Variants in DAB1 observed in about 807,000 individuals in gnomAD.
DAB1 encodes the protein disabled homolog 1.
Under a neutral mutation model 64.6 loss-of-function variants are expected in DAB1, and 15 were observed. The ratio of observed to expected loss-of-function variants is 0.23; its 90% confidence interval spans 0.16 to 0.36. The LOEUF is 0.36. DAB1 is among the 10% of genes least tolerant of loss of function. The pLI, the probability that DAB1 is intolerant of heterozygous loss-of-function variation, is 1.00. For synonymous variants in DAB1, 235 were observed against 251.9 expected, an observed-to-expected ratio of 0.93 and a Z score of 0.64; for missense variants, 596 against 706.7, an observed-to-expected ratio of 0.84 and a Z score of 1.78.
At chr1:57,393,796 T>C (rs1180287728) in intron 1 of DAB1, among the ~76,000 whole-genome samples, 1 of 152,202 alleles carries the variant, frequency 6.6e-6, no homozygotes, top group East Asian at 1.9e-4. Context: ...ATGGCTACTT[T>C]TGAGCTACAA....
intron 7 of DAB1, 75 bp downstream of exon 7, chr1:57,070,948 G>T (rs781738144): frequency 7.6e-7 from 1 of 1,308,664 alleles, no homozygotes; most frequent in East Asian, 2.3e-5. Context: ...GGATTCTTCA[G>T]GTTTCTGACA....
At chr1:58,126,966 A>G (rs1383974255) in intron 5 of DAB1, among the ~76,000 whole-genome samples, 2 of 148,858 alleles carry the variant, frequency 1.3e-5, no homozygotes, top group Non-Finnish European at 3.0e-5. Flanking sequence ...TCATTTGGGT[A>G]TATACCCAGT....
chr1:57,394,405 C>T (rs1428094137), intron 1 of DAB1, among the ~76,000 whole-genome samples: 1 of 152,206 alleles, frequency 6.6e-6, no homozygotes. Context: ...AGATCTCAAT[C>T]GCTGTTTACT....
chr1:57,599,182 C>CTT (rs147293089), intron 7 of DAB1, among the ~76,000 whole-genome samples: 11 of 142,180 alleles, frequency 7.7e-5, no homozygotes, highest in African/African-American at 2.3e-4. Context: ...TGAGCTTCTT[C>CTT]TTTTTTTTTT....
At chr1:57,335,188 G>A (rs1379421017) in intron 1 of DAB1, among the ~76,000 whole-genome samples, 2 of 150,948 alleles carry the variant, frequency 1.3e-5, no homozygotes, top group African/African-American at 4.9e-5. Flanking sequence ...ACAGCTATGT[G>A]AGATCTGGAC....
At chr1:58,243,775 G>A (rs1160523090) in intron 4 of DAB1, among the ~76,000 whole-genome samples, 1 of 152,086 alleles carries the variant, frequency 6.6e-6, no homozygotes, top group Non-Finnish European at 1.5e-5. Flanking sequence ...ATAAAACAAG[G>A]CAGATATTAT....
chr1:57,149,173 T>G (rs1257178568), intron 2 of DAB1, among the ~76,000 whole-genome samples: 1 of 152,224 alleles, frequency 6.6e-6, no homozygotes, highest in African/African-American at 2.4e-5. Context: ...ATAGCATGTA[T>G]CAGTAATGCT....
intron 6 of DAB1, among the ~76,000 whole-genome samples, chr1:57,705,873 G>GA (rs1646960440): frequency 1.2e-5 from 1 of 82,930 alleles, no homozygotes; most frequent in Non-Finnish European, 2.3e-5. Context: ...ACAATACTAG[G>GA]GTTTTTTTTT....
At chr1:57,137,391 G>T (rs1426296867) in intron 3 of DAB1, among the ~76,000 whole-genome samples, 1 of 152,200 alleles carries the variant, frequency 6.6e-6, no homozygotes, top group East Asian at 1.9e-4. Context: ...TCCGTGGAGG[G>T]CAGGTCTGCT....
chr1:58,396,177 G>A (rs1467447333), intron 3 of DAB1, among the ~76,000 whole-genome samples: 1 of 151,958 alleles, frequency 6.6e-6, no homozygotes, highest in African/African-American at 2.4e-5. Flanking sequence ...AGGATGTGCT[G>A]GGCTCACACT....
At chr1:57,642,812 T>C (rs1646146213) in intron 7 of DAB1, among the ~76,000 whole-genome samples, 1 of 152,208 alleles carries the variant, frequency 6.6e-6, no homozygotes. Flanking sequence ...GGGCATTTTT[T>C]GTTCCATTTC....
intron 7 of DAB1, among the ~76,000 whole-genome samples, chr1:57,431,287 A>G (rs1156283060): frequency 2.6e-5 from 4 of 152,322 alleles, no homozygotes; most frequent in Non-Finnish European, 2.9e-5. Context: ...CACAATCAGA[A>G]TTTTGAAATT....
chr1:57,378,560 A>G (rs1323601502), intron 1 of DAB1, among the ~76,000 whole-genome samples: 1 of 152,210 alleles, frequency 6.6e-6, no homozygotes, highest in Admixed American at 6.5e-5. Context: ...ACCAAGCTGT[A>G]TAAGATATTA....
intron 1 of DAB1, among the ~76,000 whole-genome samples, chr1:57,303,532 C>T (rs895425847): frequency 6.6e-6 from 1 of 152,134 alleles, no homozygotes; most frequent in Non-Finnish European, 1.5e-5. Context: ...TCAGTTCAGA[C>T]TCTATCCACT....
At chr1:57,017,661 A>C (rs1472889273) in intron 11 of DAB1, among the ~76,000 whole-genome samples, 2 of 152,228 alleles carry the variant, frequency 1.3e-5, no homozygotes, top group Non-Finnish European at 2.9e-5. Context: ...ACTTCTGCGG[A>C]ATAAAACAAT....
chr1:57,499,539 G>A (rs1204075655), intron 7 of DAB1, among the ~76,000 whole-genome samples: 5 of 152,160 alleles, frequency 3.3e-5, no homozygotes, highest in South Asian at 2.1e-4. Context: ...AAGTGACCCT[G>A]CCGTGCAGGT....
At chr1:57,019,852 G>T (rs1401983037) in intron 11 of DAB1, among the ~76,000 whole-genome samples, 1 of 152,224 alleles carries the variant, frequency 6.6e-6, no homozygotes, top group Non-Finnish European at 1.5e-5. Flanking sequence ...TTTTTAAAAA[G>T]TGTTGAAAAT....
intron 7 of DAB1, among the ~76,000 whole-genome samples, chr1:57,510,622 C>T (rs991003416): frequency 6.6e-6 from 1 of 152,062 alleles, no homozygotes; most frequent in Non-Finnish European, 1.5e-5. Context: ...CACACCAGTT[C>T]CTCTCCCACT....
At chr1:57,559,733 G>T (rs1464266523) in intron 7 of DAB1, among the ~76,000 whole-genome samples, 1 of 152,216 alleles carries the variant, frequency 6.6e-6, no homozygotes, top group African/African-American at 2.4e-5. Flanking sequence ...GCAGCTGGCA[G>T]AAACCCCACA....
Sources: gnomAD v4.1 joint callset for allele counts (sites outside exome capture counted in the v4.1 genomes callset) on GRCh38, gnomAD v4.1.1 for gene constraint, MANE v1.5 for transcripts, NCBI Gene and HGNC (gene_info 2026-07-23, HGNC 2026-07-21) for gene names.